Variants in CERS6 observed in about 807,000 individuals in gnomAD.
The protein encoded by CERS6 is LAG1 homolog, ceramide synthase 6.
In CERS6, 26 loss-of-function variants were observed where a neutral mutation model predicts 56.8. The ratio of observed to expected loss-of-function variants is 0.46; its 90% confidence interval spans 0.34 to 0.63. CERS6 has a LOEUF of 0.63. Among genes scored for constraint, CERS6 ranks in the 30% least tolerant of loss-of-function variants. The pLI is 0.01. For synonymous variants in CERS6, 164 were observed against 173.3 expected, an observed-to-expected ratio of 0.95 and a Z score of 0.42; for missense variants, 415 against 467.5, an observed-to-expected ratio of 0.89 and a Z score of 1.04.
At chr2:168,557,816 A>G (rs1263580455) in intron 2 of CERS6, among the ~76,000 whole-genome samples, 2 of 152,198 alleles carry the variant, frequency 1.3e-5, no homozygotes, top group Non-Finnish European at 2.9e-5. Context: ...TGGAAGTAAA[A>G]CAAGCAAAAA....
intron 8 of CERS6, among the ~76,000 whole-genome samples, chr2:168,720,182 G>A (rs377267318): frequency 8.6e-5 from 13 of 151,538 alleles, no homozygotes; most frequent in African/African-American, 1.2e-4. Flanking sequence ...CACCCGCCTC[G>A]GCCTCCCAAA....
intron 1 of CERS6, among the ~76,000 whole-genome samples, chr2:168,481,409 G>A (rs374827499): frequency 5.9e-5 from 9 of 151,948 alleles, no homozygotes; most frequent in South Asian, 2.1e-4. Context: ...GGGAGACTCC[G>A]TCTCAAAAAA....
At chr2:168,689,432 A>G (rs546845192) in intron 4 of CERS6, among the ~76,000 whole-genome samples, 7 of 152,306 alleles carry the variant, frequency 4.6e-5, no homozygotes, top group Non-Finnish European at 7.4e-5. Flanking sequence ...TGGGCTATAC[A>G]TCAAAATGTT....
At chr2:168,520,671 G>T (rs776596822) in intron 1 of CERS6, among the ~76,000 whole-genome samples, 2 of 121,176 alleles carry the variant, frequency 1.7e-5, no homozygotes, top group East Asian at 2.8e-4. Context: ...GTGCAGTGGT[G>T]CACCCTTAGC....
At chr2:168,461,083 G>T (rs983543401) in intron 1 of CERS6, among the ~76,000 whole-genome samples, 1 of 152,128 alleles carries the variant, frequency 6.6e-6, no homozygotes, top group South Asian at 2.1e-4. Context: ...GGGGTATCAG[G>T]TGAGGTTCAT....
At chr2:168,597,885 T>C (rs1485120018) in intron 3 of CERS6, among the ~76,000 whole-genome samples, 1 of 152,194 alleles carries the variant, frequency 6.6e-6, no homozygotes, top group Non-Finnish European at 1.5e-5. Flanking sequence ...CCCGTCTAAA[T>C]TGCATAGACT....
chr2:168,746,945 C>T (rs1317450263), intron 8 of CERS6, among the ~76,000 whole-genome samples: 1 of 150,734 alleles, frequency 6.6e-6, no homozygotes, highest in Non-Finnish European at 1.5e-5. Context: ...TTTTAAATCC[C>T]TGGAATCAGA....
At chr2:168,463,554 T>G (rs1457913687) in intron 1 of CERS6, among the ~76,000 whole-genome samples, 1 of 152,218 alleles carries the variant, frequency 6.6e-6, no homozygotes, top group Non-Finnish European at 1.5e-5. Context: ...GCCAAATTGT[T>G]GTCCAGAAAG....
intron 3 of CERS6, among the ~76,000 whole-genome samples, chr2:168,607,169 A>G (rs573266420): frequency 4.9e-5 from 7 of 143,570 alleles, no homozygotes; most frequent in African/African-American, 2.1e-4. Flanking sequence ...ATGGTTATAT[A>G]AACACTTACA....
At position 168,765,662 on chromosome 2, in the gene CERS6, C is replaced by G. The variant is rs760743744; in HGVS notation, c.916C>G (p.Leu306Val). The change falls in exon 9 of 10, where the codon CTA becomes GTA. Residue 306 changes from leucine to valine, a missense_variant. Physicochemically the swap from Leu to Val is conservative, Grantham distance 32. Transcript: ENST00000305747. ...GPYPSWWVFN[L>V]LLLLVQGLNC... ...TTACCCTTCCTGGTGGGTTTTTAAC[C>G]TACTGCTATTGCTAGTACAAGGGTT... 6.2e-7 allele frequency: 1 copy of G among 1,613,904 alleles called. No homozygotes were observed. The highest frequency in any genetic ancestry group is 1.3e-5 in the African/African-American group (1 of 74,928).
At chr2:168,615,322 G>A (rs748694741) in intron 3 of CERS6, among the ~76,000 whole-genome samples, 2 of 151,836 alleles carry the variant, frequency 1.3e-5, no homozygotes, top group Non-Finnish European at 2.9e-5. Flanking sequence ...TAACACCCCC[G>A]AAAAATCACA....
At chr2:168,638,854 A>C (rs1684923382) in intron 4 of CERS6, among the ~76,000 whole-genome samples, 1 of 152,198 alleles carries the variant, frequency 6.6e-6, no homozygotes, top group Non-Finnish European at 1.5e-5. Context: ...ATAAAGCTGA[A>C]GTATAGATTT....
At chr2:168,662,987 G>T (rs896495567) in intron 4 of CERS6, among the ~76,000 whole-genome samples, 1 of 152,178 alleles carries the variant, frequency 6.6e-6, no homozygotes, top group Non-Finnish European at 1.5e-5. Flanking sequence ...AGTCATAAAT[G>T]AAAGCCTGGA....
chr2:168,556,339 TATA>T (rs1157988297), intron 2 of CERS6, among the ~76,000 whole-genome samples: 1 of 152,166 alleles, frequency 6.6e-6, no homozygotes, highest in Admixed American at 6.5e-5. Context: ...TAAAAATCTA[TATA>T]ATTCATTTTA....
At chr2:168,620,346 A>C (rs892449052) in intron 3 of CERS6, among the ~76,000 whole-genome samples, 7 of 152,044 alleles carry the variant, frequency 4.6e-5, no homozygotes, top group Non-Finnish European at 1.0e-4. Context: ...TGATGGGTGC[A>C]CCAAAGTCTC....
At chr2:168,561,375 C>T (rs1432567199) in intron 3 of CERS6, 53 bp downstream of exon 3, 1 of 1,604,092 alleles carries the variant, frequency 6.2e-7, no homozygotes, top group Non-Finnish European at 8.5e-7. Context: ...TCATGCCAAC[C>T]CTGAGGTGAA....
Position 168,489,604 on chromosome 2 carries a change from T to C in CERS6, c.170+32986T>C, listed in dbSNP as rs577638441. 3.2e-4 allele frequency among the ~76,000 whole-genome samples: 48 copies of C among 152,176 alleles called. No individual in the cohort carries two copies. In the South Asian group the frequency reaches 1.0e-2, roughly 32 times the overall value. On this transcript the variant is annotated intron_variant, in intron 1 of 9. Coordinates refer to ENST00000305747, the MANE Select transcript of CERS6 (RefSeq NM_203463.3). ...TTCTTTGTTCCTCATATTGGATCAT[T>C]TCACTGACTCTTCAAGTTCACTTAC...
chr2:168,511,958 A>G (rs1225543960), intron 1 of CERS6, among the ~76,000 whole-genome samples: 1 of 151,820 alleles, frequency 6.6e-6, no homozygotes. Flanking sequence ...GTGCACACAC[A>G]CACACACACA....
chr2:168,502,688 G>A (rs1694604631), intron 1 of CERS6, among the ~76,000 whole-genome samples: 1 of 152,238 alleles, frequency 6.6e-6, no homozygotes, highest in African/African-American at 2.4e-5. Flanking sequence ...AGGCACATCT[G>A]CTGTCTATAT....
Sources: gnomAD v4.1 joint callset for allele counts (sites outside exome capture counted in the v4.1 genomes callset) on GRCh38, gnomAD v4.1.1 for gene constraint, MANE v1.5 for transcripts, NCBI Gene and HGNC (gene_info 2026-07-23, HGNC 2026-07-21) for gene names.